RPS20: variants seen among roughly 807,000 people sequenced by gnomAD.
RPS20 encodes ribosomal protein S20, also known as small ribosomal subunit protein uS10.
Under a neutral mutation model 15.3 loss-of-function variants are expected in RPS20, and 3 were observed. The observed-to-expected ratio is 0.20, with a 90% CI of 0.09 to 0.51. The LOEUF (loss-of-function observed/expected upper bound fraction) is 0.51. Ranked by LOEUF, RPS20 falls within the 20% of genes least tolerant of loss-of-function variation. The probability of loss-of-function intolerance (pLI) is 0.96; values close to 1 mark genes in which losing one functional copy is unlikely to be tolerated. For missense variants in RPS20, 67 were observed against 145.9 expected (o/e 0.46, Z 2.79); for synonymous variants, 62 against 47.8 (o/e 1.30, Z -1.23).
Position 56,073,141 on chromosome 8 carries a change from G to A in RPS20, c.309C>T (p.Ser103=), listed in dbSNP as rs777824927. The change falls in exon 4 of 4, where the codon TCC becomes TCT. Residue 103 remains serine (S), a synonymous_variant. Transcript: ENST00000009589. ...CCTCAACTCCTGGCTCAATACTGAT[G>A]GAAGTAATCTGCTTAACAATCTCAG... ...SPSEIVKQIT[S]ISIEPGVEVE... The A allele has an allele frequency of 4.4e-6, 7 of 1,597,946 alleles. No individual in the cohort carries two copies. The South Asian group carries it at 7.7e-5, about 18-fold the overall frequency.
chr8:56,068,805 A>ATTTTTTT (rs1320901753), downstream of RPS20, among the ~76,000 whole-genome samples: 2 of 41,530 alleles, frequency 4.8e-5, no homozygotes, highest in Admixed American at 3.4e-4. Context: ...TGGTGAAAAT[A>ATTTTTTT]TCTTTTTTTT....
intron 2 of RPS20, 66 bp downstream of exon 2, chr8:56,073,988 CTAACAT>C (rs1809849542): frequency 1.6e-6 from 2 of 1,275,058 alleles, no homozygotes; most frequent in Admixed American, 1.7e-5. Flanking sequence ...ACCTTCTACA[CTAACAT>C]TAACGAGTAA....
downstream of RPS20, chr8:56,068,185 T>C (rs982341798): frequency 6.6e-6 from 1 of 152,162 alleles, no homozygotes; most frequent in Admixed American, 6.5e-5. Flanking sequence ...TGTTTGAAAT[T>C]TTCCATCATA....
At chr8:56,073,295 C>T (rs751676310) in intron 3 of RPS20, 23 bp from the exon 4 acceptor site, 14 of 1,471,652 alleles carry the variant, frequency 9.5e-6, no homozygotes, top group South Asian at 6.8e-5. Context: ...ACAAAGGAAA[C>T]CAAGTGTTTA....
Position 56,074,405 on chromosome 8 carries a change from T to G in RPS20, c.-22A>C, listed in dbSNP as rs917720796. ...CCATGGCTGTTGCGCGCGGGCTTCC[T>G]GACCGACTTGTTCCTCGGCGAGAGC... On this transcript the variant is annotated 5_prime_UTR_variant, in exon 1 of 4. Transcript: ENST00000009589. The G allele has an allele frequency of 4.5e-6, 7 of 1,556,602 alleles. No individual in the cohort carries two copies. The highest frequency in any genetic ancestry group is 6.0e-6 in the Non-Finnish European group (7 of 1,157,080).
chr8:56,069,164 A>T (rs1171832277), downstream of RPS20, among the ~76,000 whole-genome samples: 1 of 152,120 alleles, frequency 6.6e-6, no homozygotes, highest in African/African-American at 2.4e-5. Flanking sequence ...TAAGAGTTCA[A>T]TTTCTATGAA....
chr8:56,071,237 T>C (rs1436536535), downstream of RPS20, among the ~76,000 whole-genome samples: 1 of 152,230 alleles, frequency 6.6e-6, no homozygotes, highest in African/African-American at 2.4e-5. Context: ...ATATGTTCTC[T>C]GGACTTTAGT....
downstream of RPS20, among the ~76,000 whole-genome samples, chr8:56,071,199 T>C (rs1809744943): frequency 6.6e-6 from 1 of 152,218 alleles, no homozygotes; most frequent in African/African-American, 2.4e-5. Context: ...CACTATTTTC[T>C]GATTTACTGA....
At chr8:56,068,807 C>CTTTTTTTTTTTTTTTT (rs61576194), downstream of RPS20, among the ~76,000 whole-genome samples, 15 of 27,686 alleles carry the variant, frequency 5.4e-4, 6 homozygotes, top group Admixed American at 1.9e-3. Flanking sequence ...GTGAAAATAT[C>CTTTTTTTTTTTTTTTT]TTTTTTTTTT....
chr8:56,069,680 T>G (rs1563345973), downstream of RPS20: 3 of 1,423,900 alleles, frequency 2.1e-6, no homozygotes, highest in Non-Finnish European at 2.9e-6. Flanking sequence ...ACACTTCAGC[T>G]TTGGCTGTTT....
intron 2 of RPS20, 95 bp downstream of exon 2, chr8:56,073,965 G>C: frequency 8.4e-7 from 1 of 1,189,472 alleles, no homozygotes; most frequent in Non-Finnish European, 1.3e-6. Context: ...TGTCACTTTA[G>C]TTCTTGCAGT....
At chr8:56,068,006 G>A (rs1809656250) in exon 6 of RPS20, 1 of 152,158 alleles carries the variant, frequency 6.6e-6, no homozygotes, top group Non-Finnish European at 1.5e-5. Flanking sequence ...TTCAGATTTA[G>A]ATACTAGAAA....
chr8:56,069,547 C>A (rs781471046), downstream of RPS20, among the ~76,000 whole-genome samples: 79 of 152,194 alleles, frequency 5.2e-4, no homozygotes, highest in Non-Finnish European at 9.7e-4. Flanking sequence ...GATCCGCCCA[C>A]CTTGGCCTCC....
At chr8:56,073,959 A>T in intron 2 of RPS20, 101 bp downstream of exon 2, 4 of 1,175,226 alleles carry the variant, frequency 3.4e-6, no homozygotes, top group Non-Finnish European at 5.1e-6. Context: ...GTAACTTGTC[A>T]CTTTAGTTCT....
chr8:56,069,655 T>C (rs959387290), downstream of RPS20: 1,211 of 1,247,036 alleles, frequency 9.7e-4, 11 homozygotes, highest in Non-Finnish European at 1.6e-4. Context: ...GAAGTACAAT[T>C]AAACAAAAAA....
At chr8:56,074,007 C>A in intron 2 of RPS20, 53 bp downstream of exon 2, 3 of 1,382,128 alleles carry the variant, frequency 2.2e-6, no homozygotes, top group South Asian at 1.2e-5. Flanking sequence ...ACGAGTAAAG[C>A]TCGTCGCTTT....
At chr8:56,070,659 T>C (rs766301706), downstream of RPS20, among the ~76,000 whole-genome samples, 1 of 150,720 alleles carries the variant, frequency 6.6e-6, no homozygotes, top group African/African-American at 2.4e-5. Flanking sequence ...AGCCAGGGAG[T>C]TGAAGGCTGC....
chr8:56,069,364 T>C (rs1809692348), downstream of RPS20, among the ~76,000 whole-genome samples: 1 of 151,910 alleles, frequency 6.6e-6, no homozygotes, highest in African/African-American at 2.4e-5. Context: ...TACTCGACAA[T>C]CTCAACTCCC....
At position 56,073,385 on chromosome 8, in the gene RPS20, A is replaced by C. The variant is rs1426838160; in HGVS notation, c.178-113T>G. ...ATTAGTTTCCCTTTGGTATGATTCC[A>C]ATTTACACTAATAGATTTTCAGGTA... On this transcript the variant is annotated intron_variant, in intron 3 of 3. Transcript: ENST00000009589. 6 of 751,706 alleles carry C rather than the reference A, an allele frequency of 8.0e-6. No individual in the cohort carries two copies. In the Admixed American group the frequency reaches 1.5e-4, roughly 19 times the overall value. The allele number at this position is 751,706 out of a possible 1,614,324, so 46.6% of individuals were successfully genotyped here.
Sources: allele counts gnomAD v4.1 joint callset (sites outside exome capture counted in the v4.1 genomes callset), GRCh38; gene constraint gnomAD v4.1.1; transcripts MANE v1.5; gene names NCBI Gene and HGNC (gene_info 2026-07-23, HGNC 2026-07-21).